The following PHLPP1 variants were observed in gnomAD, a reference collection of about 807,000 sequenced individuals.
PHLPP1 encodes the protein PH domain leucine-rich repeat-containing protein phosphatase 1.
A neutral mutation model predicts 117.2 loss-of-function variants in PHLPP1; 42 were observed. That is an observed-to-expected ratio of 0.36 (90% confidence interval 0.28 to 0.46). The LOEUF is 0.46. Ranked by LOEUF, PHLPP1 falls within the 20% of genes least tolerant of loss-of-function variation. The pLI, the probability that PHLPP1 is intolerant of heterozygous loss-of-function variation, is 1.00. For synonymous variants in PHLPP1, 1,042 were observed against 970.7 expected, an observed-to-expected ratio of 1.07 and a Z score of -1.37; for missense variants, 2,084 against 2,241.9, an observed-to-expected ratio of 0.93 and a Z score of 1.42.
chr18:62,978,616 A>C lies in PHLPP1; in HGVS notation c.4339A>C (p.Ile1447Leu), dbSNP rs772154172. 1 of 1,613,840 alleles carries C rather than the reference A, an allele frequency of 6.2e-7. No homozygotes were observed. Among genetic ancestry groups the C allele is most frequent in the Non-Finnish European group, 8.5e-7 (1 of 1,179,814 alleles). Residue 1447 changes from isoleucine (I) to leucine (L), a missense_variant, in exon 17 of 17, where the codon ATC (isoleucine) becomes CTC (leucine). By Grantham distance (5) the Ile-to-Leu change is conservative. Transcript: ENST00000262719. This position sits in a 1 kb window ranked among gnomAD's most constrained non-coding sequence, Gnocchi z 7.0. ...GGCTGTGCCACCACCCAGTCCTGGC[A>C]TCTTTCCTCCCTCAGTGAACATGGT... ...GGAVPPPSPG[I>L]FPPSVNMVIK...
intron 1 of PHLPP1, among the ~76,000 whole-genome samples, chr18:62,759,126 G>C (rs1231702319): frequency 6.6e-6 from 1 of 152,096 alleles, no homozygotes; most frequent in East Asian, 1.9e-4. Context: ...ATGACAGAGG[G>C]TGATTTAGTA....
intron 4 of PHLPP1, among the ~76,000 whole-genome samples, chr18:62,892,825 G>A (rs545482955): frequency 1.3e-5 from 2 of 148,608 alleles, no homozygotes; most frequent in South Asian, 2.2e-4. Context: ...GCAGTGAGCC[G>A]AGATCGCACC....
intron 10 of PHLPP1, among the ~76,000 whole-genome samples, chr18:62,937,488 A>G (rs1352453539): frequency 2.6e-5 from 4 of 152,246 alleles, no homozygotes; most frequent in African/African-American, 9.6e-5. Context: ...AGGACCTATG[A>G]AAATGTCCCC....
chr18:62,965,853 A>G (rs1358598458), intron 14 of PHLPP1, among the ~76,000 whole-genome samples: 2 of 151,248 alleles, frequency 1.3e-5, no homozygotes, highest in African/African-American at 4.8e-5. Flanking sequence ...AAAAAAAAAG[A>G]AAGAAAAAAA....
At chr18:62,914,500 T>G (rs540069771) in intron 8 of PHLPP1, among the ~76,000 whole-genome samples, 2 of 152,194 alleles carry the variant, frequency 1.3e-5, no homozygotes, top group Non-Finnish European at 2.9e-5. Flanking sequence ...AGTGATGAGA[T>G]CATAGCTCAC....
At chr18:62,954,265 C>T (rs1331600480) in intron 12 of PHLPP1, among the ~76,000 whole-genome samples, 1 of 152,128 alleles carries the variant, frequency 6.6e-6, no homozygotes, top group African/African-American at 2.4e-5. Flanking sequence ...TAGCTATATT[C>T]TAGAATGGGC....
intron 10 of PHLPP1, among the ~76,000 whole-genome samples, chr18:62,932,095 CAAT>C (rs993293902): frequency 6.6e-6 from 1 of 151,894 alleles, no homozygotes; most frequent in African/African-American, 2.4e-5. Context: ...CTGAACAGGC[CAAT>C]AATGAGTTAC....
chr18:62,868,204 G>T (rs1915815615), intron 4 of PHLPP1, among the ~76,000 whole-genome samples: 1 of 151,998 alleles, frequency 6.6e-6, no homozygotes, highest in African/African-American at 2.4e-5. Flanking sequence ...GAGATATTTT[G>T]ACACTTAAGT....
In PHLPP1 at chr18:62,935,013, T is replaced by C. The variant is rs80274578; in HGVS notation, c.2961-6705T>C. On this transcript the variant is annotated intron_variant, in intron 10 of 16. Coordinates refer to ENST00000262719, the MANE Select transcript of PHLPP1 (RefSeq NM_194449.4). ...TTATTTTCACTCTTATTCAATATTA[T>C]ATTAGATATATTAGCCAGGTAATTA... 5.4e-3 allele frequency among the ~76,000 whole-genome samples: 822 copies of C among 152,286 alleles called. 8 individuals are homozygous for C. The highest frequency in any genetic ancestry group is 0.019 in the African/African-American group (770 of 41,560).
chr18:62,715,764 C>G lies in PHLPP1; in HGVS notation c.81C>G (p.Ala27=). ...ACCGAGCTTCGGCTCCGGCGGCCGC[C>G]GCTGCGGCAGCAGCAGCAGCAGCGG... The part of the protein sequence containing the change: ...REDRASAPAA[A]AAAAAAAAAA... The change falls in exon 1 of 17, where the codon GCC becomes GCG. Residue 27 remains alanine (A), a synonymous_variant. Transcript: ENST00000262719. 1.1e-6 allele frequency: 1 copy of G among 900,424 alleles called. No homozygotes were observed. The highest frequency in any genetic ancestry group is 1.4e-6 in the Non-Finnish European group (1 of 733,804). The allele number at this position is 900,424 out of a possible 1,614,324, so 55.8% of individuals were successfully genotyped here.
intron 12 of PHLPP1, among the ~76,000 whole-genome samples, chr18:62,950,595 G>A (rs917693848): frequency 2.6e-5 from 4 of 152,312 alleles, no homozygotes; most frequent in Middle Eastern, 6.8e-3. Flanking sequence ...TCTTGGGGAA[G>A]TAGGAAATGG....
chr18:62,849,819 A>AT (rs1333737396), intron 3 of PHLPP1, among the ~76,000 whole-genome samples: 5 of 91,080 alleles, frequency 5.5e-5, no homozygotes, highest in African/African-American at 1.8e-4. Context: ...AAAAAAAAAA[A>AT]AAAAAAAAAA....
chr18:62,914,837 T>C (rs1909219436), intron 8 of PHLPP1, 76 bp from the exon 9 acceptor site: 1 of 958,870 alleles, frequency 1.0e-6, no homozygotes. Flanking sequence ...TTTTATTTAT[T>C]CTTTGTAATC....
intron 1 of PHLPP1, chr18:62,824,158 G>A (rs1323038990): frequency 4.4e-6 from 2 of 453,946 alleles, no homozygotes; most frequent in Admixed American, 2.4e-5. Context: ...ATGTTGACAG[G>A]GATGTGGAGC....
chr18:62,774,215 G>A (rs1486006198), intron 1 of PHLPP1, among the ~76,000 whole-genome samples: 6 of 152,070 alleles, frequency 3.9e-5, no homozygotes, highest in East Asian at 3.8e-4. Context: ...ATGTGGTCCC[G>A]GACAGTTTTT....
At chr18:62,941,994 A>G in intron 11 of PHLPP1, 76 bp downstream of exon 11, 2 of 1,186,306 alleles carry the variant, frequency 1.7e-6, no homozygotes, top group East Asian at 2.4e-5. Flanking sequence ...AGGCTGAAAT[A>G]TTTATTTCCC....
At chr18:62,839,413 T>C (rs1238667952) in intron 3 of PHLPP1, 1 of 154,714 alleles carries the variant, frequency 6.5e-6, no homozygotes. Flanking sequence ...CCATGTCCCA[T>C]GAAATAATAT....
rs1353313146 is a variant in PHLPP1 at position 62,945,289 on chromosome 18, A to G, written c.3324+18A>G. 6.3e-7 allele frequency: 1 copy of G among 1,580,234 alleles called. No homozygotes were observed. The highest frequency in any genetic ancestry group is 8.6e-7 in the Non-Finnish European group (1 of 1,165,460). The stretch of plus-strand genomic sequence containing the variant: ...AGATCAAGGTATGTGGTTTCATTTC[A>G]TAAACTCTAAGCTTCAGGTCGGCAA... On this transcript the variant is annotated intron_variant, in intron 12 of 16. Coordinates refer to ENST00000262719, the MANE Select transcript of PHLPP1 (RefSeq NM_194449.4).
intron 1 of PHLPP1, among the ~76,000 whole-genome samples, chr18:62,793,050 C>A (rs965505495): frequency 2.0e-5 from 3 of 151,832 alleles, no homozygotes; most frequent in African/African-American, 7.3e-5. Context: ...TGGTGCATGC[C>A]TGTAGTCCCA....
Sources: gnomAD v4.1 joint callset for allele counts (sites outside exome capture counted in the v4.1 genomes callset) on GRCh38, gnomAD v4.1.1 for gene constraint, Gnocchi (gnomAD v3.1) non-coding constraint, MANE v1.5 for transcripts, NCBI Gene and HGNC (gene_info 2026-07-23, HGNC 2026-07-21) for gene names.